Variants in CEP44 observed in about 807,000 individuals in gnomAD.
The protein encoded by CEP44 is centrosomal protein 44.
CEP44 carries 45 observed loss-of-function variants against 46.7 expected under a neutral mutation model. The observed-to-expected ratio is 0.96, with a 90% CI of 0.76 to 1.24. The LOEUF is 1.24. CEP44 is among the 50% of genes most tolerant of loss of function. The pLI, the probability that CEP44 is intolerant of heterozygous loss-of-function variation, is 0.00. For synonymous variants in CEP44, 142 were observed against 146.0 expected, an observed-to-expected ratio of 0.97 and a Z score of 0.20; for missense variants, 475 against 459.7, an observed-to-expected ratio of 1.03 and a Z score of -0.30.
intron 1 of CEP44, among the ~76,000 whole-genome samples, chr4:174,294,848 G>T (rs1038129306): frequency 7.6e-6 from 1 of 130,952 alleles, no homozygotes; most frequent in Admixed American, 7.5e-5. Context: ...CTGGCCGGGC[G>T]GGGGGCTGAT....
rs190654290 is a variant in CEP44 at position 174,330,286 on chromosome 4, C to G, written c.1087-1196C>G. 2.7e-4 allele frequency among the ~76,000 whole-genome samples: 41 copies of G among 152,192 alleles called. No homozygotes were observed. The East Asian group carries it at 6.4e-3, about 24-fold the overall frequency. On this transcript the variant is annotated intron_variant, in intron 8 of 8. Coordinates refer to the CEP44 transcript ENST00000426172. ...GGTGGATCACCCGAGCTCAGGAGTT[C>G]AAGACCAGCCTGGCCAACATGGCGA...
chr4:174,303,619 T>A, intron 4 of CEP44, 84 bp from the exon 5 acceptor site: 1 of 814,908 alleles, frequency 1.2e-6, no homozygotes, highest in Non-Finnish European at 1.9e-6. Context: ...GTGGCCATTA[T>A]TCCCCTGACC....
chr4:174,299,432 G>T (rs970434181), intron 3 of CEP44, among the ~76,000 whole-genome samples: 1 of 152,088 alleles, frequency 6.6e-6, no homozygotes, highest in African/African-American at 2.4e-5. Context: ...CTGTTTAGAA[G>T]CACAGTATTT....
chr4:174,331,643 T>A lies in CEP44; in HGVS notation c.*48T>A, dbSNP rs1731325002. On this transcript the variant is annotated 3_prime_UTR_variant, in exon 9 of 9. Coordinates refer to the CEP44 transcript ENST00000426172. This position sits in a 1 kb window ranked among gnomAD's most constrained non-coding sequence, Gnocchi z 4.5. ...CTTACCTTTTCCTGCTGTACTCTGA[T>A]GTTTCAGTGAAGCTCATCCACGAAG... 1 of 1,534,266 alleles carries A rather than the reference T, an allele frequency of 6.5e-7. No individual in the cohort carries two copies. Among genetic ancestry groups the A allele is most frequent in the Non-Finnish European group, 8.8e-7 (1 of 1,136,638 alleles).
chr4:174,294,048 T>C (rs1193604644), intron 1 of CEP44, among the ~76,000 whole-genome samples: 1 of 144,396 alleles, frequency 6.9e-6, no homozygotes, highest in Non-Finnish European at 1.5e-5. Flanking sequence ...TATATCCTCT[T>C]TTTTTTTTTT....
At chr4:174,316,782 C>G in intron 11 of CEP44, 1 of 401,186 alleles carries the variant, frequency 2.5e-6, no homozygotes, top group Non-Finnish European at 4.5e-6. Flanking sequence ...CGATTTAAAA[C>G]TTGTTGGAAT....
In CEP44 at chr4:174,299,161, G is replaced by T; in HGVS notation, c.40G>T (p.Glu14Ter). 6.2e-7 allele frequency: 1 copy of T among 1,613,804 alleles called. No individual in the cohort carries two copies. Among genetic ancestry groups the T allele is most frequent in the Non-Finnish European group, 8.5e-7 (1 of 1,179,772 alleles). ...CTTAAAAAGAAGCTTACGGAACCTA[G>T]AACAGGTGCTCCGCTTGCTAAATTA... ...GDLKRSLRNL[E>*]QVLRLLNYPE... The change falls in exon 3 of 12, where the codon GAA (glutamate) becomes TAA (stop). Residue 14 changes from glutamate (E) to a stop codon, truncating the protein, a stop_gained. Transcript: ENST00000503780. LOFTEE classifies it high-confidence loss of function.
rs1029341929 is a variant in CEP44, at chr4:174,314,962, T to C, written c.962-1204T>C. On this transcript the variant is annotated intron_variant, in intron 9 of 11. Transcript: ENST00000503780. The surrounding 1 kb of genome is among the most constrained non-coding windows in gnomAD (Gnocchi z 4.1). The stretch of plus-strand genomic sequence containing the variant: ...TGGAATTAGGACACCACGAGTTAGT[T>C]AGTCAAATGATATTGAGCCTGGGCC... Among the ~76,000 whole-genome samples the C allele has an allele frequency of 2.6e-5, 4 of 152,190 alleles. No individual in the cohort carries two copies. The highest frequency in any genetic ancestry group is 4.8e-5 in the African/African-American group (2 of 41,440).
chr4:174,310,710 T>G lies in CEP44; in HGVS notation c.886-73T>G. ...ATCATGCTACCTTTATATTTTATGC[T>G]CAGCATTAAGAATATAAAATGAGAG... is the stretch of plus-strand genomic sequence containing the variant. On this transcript the variant is annotated intron_variant, in intron 8 of 11. Coordinates refer to ENST00000503780, the MANE Select transcript of CEP44 (RefSeq NM_001040157.3). This position sits in a 1 kb window ranked among gnomAD's most constrained non-coding sequence, Gnocchi z 4.2. 1 of 753,236 alleles carries G rather than the reference T, an allele frequency of 1.3e-6. No individual in the cohort carries two copies. The highest frequency in any genetic ancestry group is 2.2e-6 in the Non-Finnish European group (1 of 448,096). 46.7% of individuals were successfully genotyped at this position (753,236 alleles called of 1,614,324 possible).
chr4:174,322,732 T>TAC (rs1234694550), downstream of CEP44, among the ~76,000 whole-genome samples: 1 of 152,208 alleles, frequency 6.6e-6, no homozygotes, highest in African/African-American at 2.4e-5. Flanking sequence ...CATATTATGA[T>TAC]AGAATTCAAA....
At position 174,286,307 on chromosome 4, in the gene CEP44, G is replaced by A. The variant is rs1219135245; in HGVS notation, c.-148+2364G>A. ...TTACCTTTCCTTATTTAAAGATAGAGAAACGGTGTGTAAAGGGATGATTTG... is the reference window on the plus strand; with the variant it reads ...TTACCTTTCCTTATTTAAAGATAGAAAAACGGTGTGTAAAGGGATGATTTG... On this transcript the variant is annotated intron_variant, in intron 1 of 11. Transcript: ENST00000503780. This position sits in a 1 kb window ranked among gnomAD's most constrained non-coding sequence, Gnocchi z 5.2. 6.6e-6 allele frequency among the ~76,000 whole-genome samples: 1 copy of A among 152,198 alleles called. No homozygotes were observed. Among genetic ancestry groups the A allele is most frequent in the Non-Finnish European group, 1.5e-5 (1 of 68,040 alleles).
intron 1 of CEP44, among the ~76,000 whole-genome samples, chr4:174,294,749 C>G (rs142741415): frequency 7.6e-6 from 1 of 131,952 alleles, no homozygotes; most frequent in Admixed American, 7.3e-5. Context: ...CCCTGCTGGG[C>G]GGGGGGCTGA....
intron 9 of CEP44, among the ~76,000 whole-genome samples, chr4:174,315,078 A>G (rs558541235): frequency 3.2e-4 from 49 of 152,312 alleles, no homozygotes; most frequent in African/African-American, 1.2e-3. Flanking sequence ...AAATGGCAGA[A>G]GTAGGCAAAA....
downstream of CEP44, among the ~76,000 whole-genome samples, chr4:174,323,599 T>TA: frequency 6.6e-6 from 1 of 152,028 alleles, no homozygotes; most frequent in East Asian, 1.9e-4. Context: ...GCATTAGGGA[T>TA]ATTTGTGGGA....
chr4:174,295,031 T>TGACCCCCC (rs1738772263), intron 1 of CEP44, among the ~76,000 whole-genome samples: 1 of 135,788 alleles, frequency 7.4e-6, no homozygotes, highest in African/African-American at 3.1e-5. Context: ...GGCGGGGGGC[T>TGACCCCCC]GACCCCCCCA....
chr4:174,288,719 T>A lies in CEP44; in HGVS notation c.-148+4776T>A, dbSNP rs1218123552. Among the ~76,000 whole-genome samples the A allele has an allele frequency of 6.6e-6, 1 of 152,156 alleles. No individual in the cohort carries two copies. Among genetic ancestry groups the A allele is most frequent in the Non-Finnish European group, 1.5e-5 (1 of 68,004 alleles). On this transcript the variant is annotated intron_variant, in intron 1 of 11. Transcript: ENST00000503780. The surrounding 1 kb of genome is among the most constrained non-coding windows in gnomAD (Gnocchi z 4.6). ...ACAGATATTGTACCTCTTCTCTTTT[T>A]ATTTGGATGTTTTTAATTTATTTTT...
chr4:174,317,302 G>T, intron 11 of CEP44, 33 bp from the exon 12 acceptor site: 3 of 863,868 alleles, frequency 3.5e-6, no homozygotes, highest in South Asian at 5.8e-5. Context: ...ATGAATTATT[G>T]ATTTACTTAA....
rs1737550035 is a variant in CEP44, at chr4:174,286,021, T to C, written c.-148+2078T>C. Among the ~76,000 whole-genome samples, 1 of 152,234 alleles carries C rather than the reference T, an allele frequency of 6.6e-6. No homozygotes were observed. The highest frequency in any genetic ancestry group is 2.1e-4 in the South Asian group (1 of 4,838). On this transcript the variant is annotated intron_variant, in intron 1 of 11. Coordinates refer to ENST00000503780, the MANE Select transcript of CEP44 (RefSeq NM_001040157.3). The surrounding 1 kb of genome is among the most constrained non-coding windows in gnomAD (Gnocchi z 5.2). ...TCCCATTTGACAGTACCTAAAATTA[T>C]CTCTGTCTAGAAATGTAAATGTTTA...
intron 9 of CEP44, among the ~76,000 whole-genome samples, chr4:174,315,467 C>A (rs1441180430): frequency 6.6e-6 from 1 of 151,846 alleles, no homozygotes; most frequent in Non-Finnish European, 1.5e-5. Flanking sequence ...TCATATATGT[C>A]AAATCAAGTT....
Sources: allele counts gnomAD v4.1 joint callset (sites outside exome capture counted in the v4.1 genomes callset), GRCh38; gene constraint gnomAD v4.1.1; non-coding constraint Gnocchi (gnomAD v3.1); transcripts MANE v1.5; gene names NCBI Gene and HGNC (gene_info 2026-07-23, HGNC 2026-07-21).